Variants in PCDHGA7 observed in about 807,000 individuals in gnomAD.
The protein encoded by PCDHGA7 is protocadherin gamma-A7.
A neutral mutation model predicts 58.3 loss-of-function variants in PCDHGA7; 44 were observed. The ratio of observed to expected loss-of-function variants is 0.75; its 90% CI spans 0.59 to 0.97. The LOEUF is 0.97. Ranked by LOEUF, PCDHGA7 falls within the 50% of genes least tolerant of loss-of-function variation. PCDHGA7 has a pLI of 0.00. For synonymous variants in PCDHGA7, 516 were observed against 504.2 expected, an observed-to-expected ratio of 1.02 and a Z score of -0.31; for missense variants, 1,266 against 1,188.7, an observed-to-expected ratio of 1.06 and a Z score of -0.96.
intron 1 of PCDHGA7, among the ~76,000 whole-genome samples, chr5:141,466,909 ACTC>A (rs1249720055): frequency 6.6e-6 from 1 of 151,110 alleles, no homozygotes; most frequent in Non-Finnish European, 1.5e-5. Flanking sequence ...GTTTTTGAAA[ACTC>A]CTTGTATTAG....
At chr5:141,407,013 C>T (rs550387003) in intron 1 of PCDHGA7, among the ~76,000 whole-genome samples, 28 of 152,216 alleles carry the variant, frequency 1.8e-4, no homozygotes, top group Middle Eastern at 6.8e-3. Context: ...TTGAAGTTGA[C>T]TCAAAATTCT....
chr5:141,388,118 C>G (rs771996326), intron 1 of PCDHGA7: 1 of 1,412,700 alleles, frequency 7.1e-7, no homozygotes, highest in African/African-American at 1.4e-5. Flanking sequence ...TCACCGTGAG[C>G]GCAGAGAGCG....
chr5:141,391,155 T>C (rs2092309201), intron 1 of PCDHGA7: 1 of 152,250 alleles, frequency 6.6e-6, no homozygotes, highest in Non-Finnish European at 1.5e-5. Context: ...GAAAGAAATA[T>C]AGTCTTGAAA....
chr5:141,460,498 T>C (rs1028506755), intron 1 of PCDHGA7, among the ~76,000 whole-genome samples: 3 of 152,184 alleles, frequency 2.0e-5, no homozygotes, highest in African/African-American at 7.2e-5. Context: ...TGGAAAAATA[T>C]GCTGAGAAGG....
At chr5:141,422,005 A>T in intron 1 of PCDHGA7, 1 of 1,609,814 alleles carries the variant, frequency 6.2e-7, no homozygotes, top group East Asian at 2.2e-5. Flanking sequence ...CAGCTCCGGA[A>T]CTCGGGTGCT....
intron 1 of PCDHGA7, chr5:141,398,594 T>C: frequency 6.2e-7 from 1 of 1,614,028 alleles, no homozygotes; most frequent in African/African-American, 1.3e-5. Flanking sequence ...ATACTAGAAG[T>C]AGCAGAAGAT....
chr5:141,509,320 C>T (rs1261653347), intron 3 of PCDHGA7, among the ~76,000 whole-genome samples: 2 of 152,194 alleles, frequency 1.3e-5, no homozygotes, highest in East Asian at 3.8e-4. Flanking sequence ...GGGAGAGAAG[C>T]TCTACTGCCA....
chr5:141,487,386 G>C lies in PCDHGA7; in HGVS notation c.2425-7421G>C. On this transcript the variant is annotated intron_variant, in intron 1 of 3. Coordinates refer to ENST00000518325, the MANE Select transcript of PCDHGA7 (RefSeq NM_018920.4). The surrounding 1 kb of genome is among the most constrained non-coding windows in gnomAD (Gnocchi z 5.0). Reference sequence around the variant, plus strand: ...ACCTGTGCCTGTCTCACCAGATCTCGAAGGAGGGAGGGGCTTCCCCCTTCC... The same window carrying C: ...ACCTGTGCCTGTCTCACCAGATCTCCAAGGAGGGAGGGGCTTCCCCCTTCC... The C allele has an allele frequency of 1.2e-6, 2 of 1,614,164 alleles. No homozygotes were observed. Among genetic ancestry groups the C allele is most frequent in the South Asian group, 1.1e-5 (1 of 91,084 alleles).
intron 1 of PCDHGA7, among the ~76,000 whole-genome samples, chr5:141,443,756 A>G (rs1234457212): frequency 6.6e-6 from 1 of 152,232 alleles, no homozygotes; most frequent in Non-Finnish European, 1.5e-5. Flanking sequence ...TTGGAAGCTT[A>G]CAATATACAA....
At chr5:141,479,328 G>C (rs568506786) in intron 1 of PCDHGA7, 3 of 152,536 alleles carry the variant, frequency 2.0e-5, no homozygotes, top group African/African-American at 7.2e-5. Context: ...CAGACTCAGT[G>C]GTGTGCACCT....
intron 1 of PCDHGA7, among the ~76,000 whole-genome samples, chr5:141,438,585 TACATAC>T (rs201018754): frequency 0.16 from 9,805 of 59,734 alleles, 612 homozygotes; most frequent in African/African-American, 0.28. Context: ...CATACATACA[TACATAC>T]ATATATATAT....
In PCDHGA7 at chr5:141,415,757, T is replaced by G. The variant is rs765276447; in HGVS notation, c.2424+30434T>G. The G allele has an allele frequency of 5.6e-3, 7,497 of 1,346,942 alleles. 12 individuals are homozygous for G. The highest frequency in any genetic ancestry group is 0.012 in the East Asian group (422 of 35,004). The allele number at this position is 1,346,942 out of a possible 1,614,324, so 83.4% of individuals were successfully genotyped here. A position where few individuals can be genotyped will look rare whatever the true frequency, so the allele number is the denominator to read the frequency against. ...TTATTAAGGTTTTTTTTTTTTTTTT[T>G]TTTTTTTTTTTTTTTACTTTCTGGT... On this transcript the variant is annotated intron_variant, in intron 1 of 3. Coordinates refer to ENST00000518325, the MANE Select transcript of PCDHGA7 (RefSeq NM_018920.4).
In PCDHGA7 at chr5:141,409,025, G is replaced by T. The variant is rs202094928; in HGVS notation, c.2424+23702G>T. Reference sequence around the variant, plus strand: ...CACTGACCAGGATGAGGGGGTCAATGCTGAGATAAACTACTACTTCCGAAG... The same window carrying T: ...CACTGACCAGGATGAGGGGGTCAATTCTGAGATAAACTACTACTTCCGAAG... On this transcript the variant is annotated intron_variant, in intron 1 of 3. Coordinates refer to ENST00000518325, the MANE Select transcript of PCDHGA7 (RefSeq NM_018920.4). 2.9e-3 allele frequency: 4,667 copies of T among 1,614,008 alleles called. 11 individuals are homozygous for T. The highest frequency in any genetic ancestry group is 3.6e-3 in the Non-Finnish European group (4,254 of 1,179,906).
rs373882091 is a variant in PCDHGA7 at position 141,432,369 on chromosome 5, A to T, written c.2424+47046A>T. 1.2e-6 allele frequency: 2 copies of T among 1,614,104 alleles called. No homozygotes were observed. Among genetic ancestry groups the T allele is most frequent in the African/African-American group, 2.7e-5 (2 of 74,938 alleles). On this transcript the variant is annotated intron_variant, in intron 1 of 3. Transcript: ENST00000518325. The surrounding 1 kb of genome is among the most constrained non-coding windows in gnomAD (Gnocchi z 6.0). Reference sequence around the variant, plus strand: ...CAAGTGAAAGTGATGGCGCGGGACAACGGGCACCCGCCCCTCAGCAGCAAC... The same window carrying T: ...CAAGTGAAAGTGATGGCGCGGGACATCGGGCACCCGCCCCTCAGCAGCAAC...
intron 1 of PCDHGA7, among the ~76,000 whole-genome samples, chr5:141,455,161 T>G (rs6861291): frequency 0.084 from 8,821 of 104,682 alleles, 480 homozygotes; most frequent in African/African-American, 0.22. Context: ...AGTTTGTTGG[T>G]TTTTTTTTTA....
At position 141,382,789 on chromosome 5, in the gene PCDHGA7, T is replaced by A; in HGVS notation, c.-111T>A. The A allele has an allele frequency of 1.1e-6, 1 of 924,650 alleles. No homozygotes were observed. Among genetic ancestry groups the A allele is most frequent in the Non-Finnish European group, 1.6e-6 (1 of 608,830 alleles). The allele number at this position is 924,650 out of a possible 1,614,324, so 57.3% of individuals were successfully genotyped here. On this transcript the variant is annotated 5_prime_UTR_variant, in exon 1 of 4. Transcript: ENST00000518325. The stretch of plus-strand genomic sequence containing the variant: ...AGGCTGCACTAAACTCAAGCCTCTA[T>A]CCTGCTGGATTCTGAGCTCCCCTTC...
At chr5:141,480,584 G>A (rs1421730652) in intron 1 of PCDHGA7, among the ~76,000 whole-genome samples, 1 of 134,606 alleles carries the variant, frequency 7.4e-6, no homozygotes, top group Non-Finnish European at 1.6e-5. Context: ...AATAACTGCC[G>A]CTCTTCTGGT....
chr5:141,421,163 G>C, intron 1 of PCDHGA7: 2 of 1,276,926 alleles, frequency 1.6e-6, no homozygotes, highest in Non-Finnish European at 2.1e-6. Flanking sequence ...GGACTTCATA[G>C]ATACATAAGC....
chr5:141,500,554 C>A (rs2099801320), intron 2 of PCDHGA7, among the ~76,000 whole-genome samples: 1 of 152,212 alleles, frequency 6.6e-6, no homozygotes, highest in Admixed American at 6.5e-5. Context: ...AAGTTGTTCA[C>A]AAACTTGTCA....
Sources: gnomAD v4.1 joint callset for allele counts (sites outside exome capture counted in the v4.1 genomes callset) on GRCh38, gnomAD v4.1.1 for gene constraint, Gnocchi (gnomAD v3.1) non-coding constraint, MANE v1.5 for transcripts, NCBI Gene and HGNC (gene_info 2026-07-23, HGNC 2026-07-21) for gene names.